BNC1: variants seen among roughly 807,000 people sequenced by gnomAD.
The protein encoded by BNC1 is basonuclin zinc finger protein 1.
A neutral mutation model predicts 66.5 loss-of-function variants in BNC1; 8 were observed. The ratio of observed to expected loss-of-function variants is 0.12; its 90% CI spans 0.07 to 0.22. The LOEUF is 0.22. Ranked by LOEUF, BNC1 falls within the 10% of genes least tolerant of loss-of-function variation. The pLI, the probability that BNC1 is intolerant of heterozygous loss-of-function variation, is 1.00. For synonymous variants in BNC1, 454 were observed against 452.6 expected, an observed-to-expected ratio of 1.00 and a Z score of -0.04; for missense variants, 1,069 against 1,241.3, an observed-to-expected ratio of 0.86 and a Z score of 2.09.
intron 4 of BNC1, among the ~76,000 whole-genome samples, chr15:83,261,574 T>C (rs1345842469): frequency 6.6e-6 from 1 of 152,238 alleles, no homozygotes; most frequent in Non-Finnish European, 1.5e-5. Flanking sequence ...TTTGGTATGC[T>C]TGCTCTTCCA....
chr15:83,260,113 A>T (rs1567190549), intron 4 of BNC1, among the ~76,000 whole-genome samples: 1 of 152,096 alleles, frequency 6.6e-6, no homozygotes, highest in South Asian at 2.1e-4. Flanking sequence ...TAATACTAAG[A>T]TATTATTTGC....
rs1312668961 is a variant in BNC1, at chr15:83,264,594, G to C, written c.657C>G (p.Pro219=). The part of the protein sequence containing the change: ...ESCSHRSSSL[P]TPVDKGNPSS... ...TGGGGTTTCCTTTGTCCACAGGAGT[G>C]GGGAGGCTAGAACTCCTGTGACTGC... is the stretch of plus-strand genomic sequence containing the variant. The change falls in exon 4 of 5, where the codon CCC becomes CCG. Residue 219 remains proline, a synonymous_variant. Transcript: ENST00000345382. 1 of 1,614,086 alleles carries C rather than the reference G, an allele frequency of 6.2e-7. No individual in the cohort carries two copies. The highest frequency in any genetic ancestry group is 2.2e-5 in the East Asian group (1 of 44,874).
intron 2 of BNC1, 128 bp from the exon 3 acceptor site, chr15:83,267,199 G>T (rs1367761122): frequency 5.9e-6 from 4 of 674,522 alleles, no homozygotes; most frequent in Non-Finnish European, 1.0e-5. Context: ...ATATACAAAT[G>T]ATTAAATACC....
chr15:83,269,114 C>T (rs2038245145), intron 1 of BNC1, among the ~76,000 whole-genome samples: 1 of 152,146 alleles, frequency 6.6e-6, no homozygotes, highest in Non-Finnish European at 1.5e-5. Context: ...GTCCCAGCTA[C>T]TCGGGAGGCT....
chr15:83,258,600 G>A (rs189546439), intron 4 of BNC1, among the ~76,000 whole-genome samples: 1 of 152,266 alleles, frequency 6.6e-6, no homozygotes, highest in East Asian at 1.9e-4. Context: ...AGAATGACTA[G>A]ACTAAATCAA....
intron 1 of BNC1, among the ~76,000 whole-genome samples, chr15:83,278,991 C>T (rs1352823825): frequency 6.6e-6 from 1 of 152,078 alleles, no homozygotes; most frequent in Non-Finnish European, 1.5e-5. Context: ...AGACAATGTA[C>T]GGACCTTACT....
Position 83,257,256 on chromosome 15 carries a change from C to T in BNC1, c.*186G>A, listed in dbSNP as rs892934889. 4 of 654,738 alleles carry T rather than the reference C, an allele frequency of 6.1e-6. No homozygotes were observed. The highest frequency in any genetic ancestry group is 1.0e-5 in the Non-Finnish European group (4 of 391,302). The allele number at this position is 654,738 out of a possible 1,614,324, so 40.6% of individuals were successfully genotyped here. A position where few individuals can be genotyped will look rare whatever the true frequency, so the allele number is the denominator to read the frequency against. ...GGGCTAAGAAAAATAATAGGAAGGG[C>T]TGCCCCAGTGTCATCTTCCCACGAG... On this transcript the variant is annotated 3_prime_UTR_variant, in exon 5 of 5. Coordinates refer to ENST00000345382, the MANE Select transcript of BNC1 (RefSeq NM_001717.4).
chr15:83,264,920 A>G (rs1460140716), intron 3 of BNC1, 105 bp from the exon 4 acceptor site: 2 of 1,182,620 alleles, frequency 1.7e-6, no homozygotes, highest in Non-Finnish European at 2.4e-6. Flanking sequence ...TGCATATAGG[A>G]AAAAGATGAA....
chr15:83,258,640 C>T (rs564171342), intron 4 of BNC1, among the ~76,000 whole-genome samples: 1 of 152,260 alleles, frequency 6.6e-6, no homozygotes, highest in Admixed American at 6.5e-5. Context: ...ACACTGGAAC[C>T]AGGAGATCCC....
intron 1 of BNC1, among the ~76,000 whole-genome samples, chr15:83,284,113 A>G (rs994422551): frequency 3.3e-5 from 5 of 151,894 alleles, no homozygotes; most frequent in Non-Finnish European, 7.4e-5. Context: ...AAAAAAAAAA[A>G]AGAAGGGGTC....
chr15:83,267,194 C>A (rs548819850), intron 2 of BNC1, 123 bp from the exon 3 acceptor site: 4 of 701,114 alleles, frequency 5.7e-6, no homozygotes, highest in Admixed American at 5.4e-5. Flanking sequence ...CATGAATATA[C>A]AAATGATTAA....
At chr15:83,282,871 C>A (rs2038393533) in intron 1 of BNC1, among the ~76,000 whole-genome samples, 1 of 152,184 alleles carries the variant, frequency 6.6e-6, no homozygotes, top group African/African-American at 2.4e-5. Context: ...CTCCCTCACA[C>A]ACACACTCTC....
At position 83,274,463 on chromosome 15, in the gene BNC1, G is replaced by A. The variant is rs143887020; in HGVS notation, c.100-6231C>T. ...CATTTCAGGTGCATAGTAGCAACAT[G>A]TAGATAGTGGCTACTCTATTGGACA... is the stretch of plus-strand genomic sequence containing the variant. On this transcript the variant is annotated intron_variant, in intron 1 of 4. Transcript: ENST00000345382. Among the ~76,000 whole-genome samples, 685 of 152,308 alleles carry A rather than the reference G, an allele frequency of 4.5e-3. 6 individuals are homozygous for A. Among genetic ancestry groups the A allele is most frequent in the Middle Eastern group, 0.037 (11 of 294 alleles).
intron 1 of BNC1, among the ~76,000 whole-genome samples, chr15:83,279,318 CAA>C (rs1458948305): frequency 3.3e-5 from 5 of 152,046 alleles, no homozygotes; most frequent in Non-Finnish European, 4.4e-5. Flanking sequence ...CATATTACAT[CAA>C]GTTTCATTCT....
chr15:83,267,152 C>G, intron 2 of BNC1, 81 bp from the exon 3 acceptor site: 1 of 1,072,476 alleles, frequency 9.3e-7, no homozygotes, highest in South Asian at 1.4e-5. Context: ...TAGGTTAGGA[C>G]CAATTCTTGG....
chr15:83,264,471 C>T lies in BNC1; in HGVS notation c.780G>A (p.Leu260=). Residue 260 remains leucine (L), a synonymous_variant, in exon 4 of 5, where the codon TTG becomes TTA. Transcript: ENST00000345382. ...NPLPPALIGS[L]PEQYMLEQGH... ...CCTGCTCCAACATATATTGTTCGGG[C>T]AATGACCCTATCAGTGCAGGAGGCA... is the stretch of plus-strand genomic sequence containing the variant. 5.6e-6 allele frequency: 9 copies of T among 1,614,090 alleles called. No individual in the cohort carries two copies. The highest frequency in any genetic ancestry group is 7.6e-6 in the Non-Finnish European group (9 of 1,180,012).
rs550738754 is a variant in BNC1 at position 83,267,467 on chromosome 15, T to C, written c.200-396A>G. ...TGAGTTTGAGCGTTAGTTGTGGGGC[T>C]TGACATTTTCTAGTTGTGGGGCTTA... On this transcript the variant is annotated intron_variant, in intron 2 of 4. Transcript: ENST00000345382. Among the ~76,000 whole-genome samples the C allele has an allele frequency of 6.6e-4, 101 of 152,288 alleles. 1 individual carries two copies. Among genetic ancestry groups the C allele is most frequent in the African/African-American group, 2.3e-3 (94 of 41,550 alleles).
At position 83,263,481 on chromosome 15, in the gene BNC1, C is replaced by T. The variant is rs2151435672; in HGVS notation, c.1770G>A (p.Glu590=). The change falls in exon 4 of 5, where the codon GAG becomes GAA. Residue 590 remains glutamate, a synonymous_variant. Coordinates refer to ENST00000345382, the MANE Select transcript of BNC1 (RefSeq NM_001717.4). ...CSPQSHRVSE[E]QHVQSGGLGK... is the part of the protein sequence containing the mutation. ...CTAAGCCTCCTGACTGTACATGCTG[C>T]TCCTCAGATACTCTGTGTGACTGAG... The T allele has an allele frequency of 2.5e-6, 4 of 1,614,246 alleles. 1 individual carries two copies. In the East Asian group the frequency reaches 8.9e-5, roughly 36 times the overall value.
At chr15:83,259,001 G>A (rs1348051331) in intron 4 of BNC1, among the ~76,000 whole-genome samples, 1 of 152,184 alleles carries the variant, frequency 6.6e-6, no homozygotes, top group African/African-American at 2.4e-5. Context: ...CAATTGGCTA[G>A]AATTGTGTGT....
Sources: gnomAD v4.1 joint callset for allele counts (sites outside exome capture counted in the v4.1 genomes callset) on GRCh38, gnomAD v4.1.1 for gene constraint, MANE v1.5 for transcripts, NCBI Gene and HGNC (gene_info 2026-07-23, HGNC 2026-07-21) for gene names.